CUBN: variants seen among roughly 807,000 people sequenced by gnomAD.
CUBN encodes the protein 460 kDa receptor.
CUBN carries 282 observed loss-of-function variants against 405.3 expected under a neutral mutation model. The observed-to-expected ratio is 0.70, with a 90% confidence interval of 0.63 to 0.77. The LOEUF (loss-of-function observed/expected upper bound fraction) is 0.77, where lower values mean the gene tolerates loss of function less well. Among genes scored for constraint, CUBN ranks in the 30% least tolerant of loss-of-function variants. The pLI, the probability that CUBN is intolerant of heterozygous loss-of-function variation, is 0.00. For missense variants in CUBN, 4,514 were observed against 4,475.2 expected (o/e 1.01, Z -0.25); for synonymous variants, 1,684 against 1,617.0 (o/e 1.04, Z -0.99).
chr10:17,049,728 C>T lies in CUBN; in HGVS notation c.3140-2125G>A, dbSNP rs77742099. ...TTTACCCTTTACCTAACCCGCCACC[C>T]AACAACCCCTGCCAATACACAGTTT... On this transcript the variant is annotated intron_variant, in intron 22 of 66. Transcript: ENST00000377833. 3.6e-4 allele frequency among the ~76,000 whole-genome samples: 55 copies of T among 152,262 alleles called. No individual in the cohort carries two copies. The East Asian group carries it at 7.3e-3, about 20-fold the overall frequency.
At chr10:17,038,848 T>C (rs767020840) in intron 27 of CUBN, among the ~76,000 whole-genome samples, 14 of 152,230 alleles carry the variant, frequency 9.2e-5, no homozygotes, top group Non-Finnish European at 1.6e-4. Flanking sequence ...TCTGAACTTC[T>C]GGTTCTCATT....
intron 39 of CUBN, among the ~76,000 whole-genome samples, chr10:16,935,898 A>AAAAAAAAAAAG (rs1842490005): frequency 2.1e-5 from 3 of 140,798 alleles, no homozygotes; most frequent in Non-Finnish European, 4.6e-5. Context: ...AAAAAAAAAG[A>AAAAAAAAAAAG]AAAAAAAAAA....
In CUBN at chr10:17,068,340, T is replaced by C; in HGVS notation, c.2792-60A>G. 4.6e-6 allele frequency: 7 copies of C among 1,523,670 alleles called. 1 individual carries two copies. The South Asian group carries it at 7.9e-5, about 17-fold the overall frequency. 94.4% of individuals were successfully genotyped at this position (1,523,670 alleles called of 1,614,324 possible). On this transcript the variant is annotated intron_variant, in intron 20 of 66. Transcript: ENST00000377833. ...TAACCAAGCTACCTGGATTTCAAAT[T>C]AAAAGGCTCTGATAATAACCTCTTC...
chr10:17,080,794 C>A (rs2131859201), intron 17 of CUBN, among the ~76,000 whole-genome samples: 1 of 152,312 alleles, frequency 6.6e-6, no homozygotes, highest in South Asian at 2.1e-4. Flanking sequence ...TGGCTTAAAT[C>A]ACTTATGAAA....
intron 17 of CUBN, among the ~76,000 whole-genome samples, chr10:17,076,632 T>A (rs957380650): frequency 6.6e-6 from 1 of 152,212 alleles, no homozygotes; most frequent in Non-Finnish European, 1.5e-5. Flanking sequence ...ATACGGAGAA[T>A]TAATACATAA....
At chr10:16,928,019 G>C in intron 41 of CUBN, 138 bp downstream of exon 41, 1 of 944,332 alleles carries the variant, frequency 1.1e-6, no homozygotes, top group Non-Finnish European at 1.6e-6. Context: ...CAGCCATCCA[G>C]AGCCTGGGCA....
chr10:17,087,284 AC>A (rs776011881), intron 15 of CUBN, among the ~76,000 whole-genome samples: 88 of 152,138 alleles, frequency 5.8e-4, no homozygotes, highest in Non-Finnish European at 1.1e-3. Flanking sequence ...GAAGAGCAAC[AC>A]TTTTTGATGC....
chr10:17,110,231 G>A (rs372143443), intron 9 of CUBN, among the ~76,000 whole-genome samples: 7 of 152,160 alleles, frequency 4.6e-5, no homozygotes, highest in African/African-American at 1.7e-4. Flanking sequence ...TACGATATAT[G>A]CCTACTGTGA....
intron 31 of CUBN, among the ~76,000 whole-genome samples, chr10:16,969,704 C>T (rs534634058): frequency 3.9e-5 from 6 of 152,184 alleles, no homozygotes; most frequent in Non-Finnish European, 7.4e-5. Context: ...GCGAATTTTG[C>T]CTTTGTTTCC....
rs145452658 is a variant in CUBN, at chr10:16,942,617, C to T, written c.5343-2380G>A. 6.2e-3 allele frequency among the ~76,000 whole-genome samples: 946 copies of T among 152,210 alleles called. 12 individuals are homozygous for T. The highest frequency in any genetic ancestry group is 0.022 in the African/African-American group (899 of 41,554). ...GGATATGGAGAAATTAGAACTCTTA[C>T]GCATTACTAACGGGAATGTAAAATA... On this transcript the variant is annotated intron_variant, in intron 36 of 66. Coordinates refer to ENST00000377833, the MANE Select transcript of CUBN (RefSeq NM_001081.4).
chr10:17,095,068 T>C (rs576079852), intron 14 of CUBN, among the ~76,000 whole-genome samples: 1 of 152,072 alleles, frequency 6.6e-6, no homozygotes, highest in Admixed American at 6.6e-5. Context: ...TATCTAGACC[T>C]ATGGAACAGA....
intron 28 of CUBN, among the ~76,000 whole-genome samples, chr10:17,012,774 G>C (rs112600061): frequency 0.014 from 2,206 of 152,274 alleles, 30 homozygotes; most frequent in Non-Finnish European, 0.022. Context: ...TTGCACATTT[G>C]AGCAGACCAA....
intron 16 of CUBN, among the ~76,000 whole-genome samples, chr10:17,085,069 TA>T (rs146732159): frequency 6.6e-6 from 1 of 152,140 alleles, no homozygotes; most frequent in African/African-American, 2.4e-5. Context: ...TCCACTTCCC[TA>T]AAAAAATCCA....
At chr10:17,029,816 C>T (rs757947230) in intron 27 of CUBN, among the ~76,000 whole-genome samples, 4 of 152,210 alleles carry the variant, frequency 2.6e-5, no homozygotes, top group Non-Finnish European at 5.9e-5. Context: ...AACTGGAAAA[C>T]AGGATTTTAT....
At chr10:16,844,361 T>A (rs1274063522) in intron 60 of CUBN, among the ~76,000 whole-genome samples, 1 of 151,018 alleles carries the variant, frequency 6.6e-6, no homozygotes, top group Non-Finnish European at 1.5e-5. Context: ...AAGTGTGAAA[T>A]GCATGGCACG....
Position 17,071,899 on chromosome 10 carries a change from T to C in CUBN, c.2374A>G (p.Asn792Asp), listed in dbSNP as rs756444686. 1.2e-6 allele frequency: 2 copies of C among 1,612,690 alleles called. No individual in the cohort carries two copies. The highest frequency in any genetic ancestry group is 1.1e-5 in the South Asian group (1 of 91,022). ...GTISHIKSIT[N>D]SVWIRFKIDA... ...ATTTTAAACCTGATCCAGACACTAT[T>C]AGTAATGGATTTAATGTGAGAGATG... Residue 792 changes from asparagine to aspartate, a missense_variant, in exon 18 of 67, where the codon AAT becomes GAT. Asn to Asp is a conservative substitution (Grantham distance 23). Around this residue, in one of 5 missense-constraint regions of CUBN, gnomAD observed 1,448 missense variants for 1,388.0 expected, o/e 1.04. Transcript: ENST00000377833.
chr10:17,083,589 C>T (rs929863555), intron 17 of CUBN, among the ~76,000 whole-genome samples: 12 of 151,164 alleles, frequency 7.9e-5, no homozygotes, highest in Non-Finnish European at 2.9e-5. Flanking sequence ...CTAAGTCTAG[C>T]TAGATCTTAT....
chr10:17,011,326 A>G (rs998751668), intron 28 of CUBN, among the ~76,000 whole-genome samples: 7 of 152,152 alleles, frequency 4.6e-5, no homozygotes, highest in Non-Finnish European at 7.3e-5. Context: ...ATGTGTCCGC[A>G]GTTTCGTCCT....
intron 22 of CUBN, among the ~76,000 whole-genome samples, chr10:17,049,336 A>G (rs1835210221): frequency 6.6e-6 from 1 of 152,238 alleles, no homozygotes; most frequent in Admixed American, 6.5e-5. Flanking sequence ...TTTGGCCAGT[A>G]AATCAAATAT....
Sources: gnomAD v4.1 joint callset for allele counts (sites outside exome capture counted in the v4.1 genomes callset) on GRCh38, gnomAD v4.1.1 for gene constraint, gnomAD v4.1.1 regional missense constraint, MANE v1.5 for transcripts, NCBI Gene and HGNC (gene_info 2026-07-23, HGNC 2026-07-21) for gene names.